Variants in SMARCA4 observed in about 807,000 individuals in gnomAD.
SMARCA4 encodes the protein SWI/SNF-related matrix-associated actin-dependent regulator of chromatin subfamily A member 4.
SMARCA4 carries 31 observed loss-of-function variants against 193.9 expected under a neutral mutation model. That is an observed-to-expected ratio of 0.16 (90% CI 0.12 to 0.22). The LOEUF is 0.22. SMARCA4 is among the 10% of genes least tolerant of loss of function. SMARCA4 has a pLI of 1.00. For synonymous variants in SMARCA4, 942 were observed against 933.1 expected, an observed-to-expected ratio of 1.01 and a Z score of -0.17; for missense variants, 1,148 against 2,296.0, an observed-to-expected ratio of 0.50 and a Z score of 10.22.
chr19:11,050,848 G>C (rs928863147), intron 30 of SMARCA4, among the ~76,000 whole-genome samples: 4 of 152,228 alleles, frequency 2.6e-5, no homozygotes, highest in African/African-American at 9.6e-5. Flanking sequence ...ATTCCTTGGG[G>C]ACAGGGGGGC....
At position 10,986,434 on chromosome 19, in the gene SMARCA4, C is replaced by G. The variant is rs2086038461; in HGVS notation, c.601C>G (p.Gln201Glu). ...ARGQPLPDHL[Q>E]MAVQGKRPMP... ...GGGGCAGCCCCTCCCCGACCACCTG[C>G]AGATGGCGGTGCAGGGCAAGCGGCC... is the stretch of plus-strand genomic sequence containing the variant. The change falls in exon 4 of 35, where the codon CAG becomes GAG. Residue 201 changes from glutamine to glutamate, a missense_variant. Gln to Glu is a conservative substitution (Grantham distance 29, BLOSUM62 2). This residue lies in a region of SMARCA4 where 257 missense variants were observed against 276.5 expected (regional missense o/e 0.93). Transcript: ENST00000344626. This position sits in a 1 kb window ranked among gnomAD's most constrained non-coding sequence, Gnocchi z 6.7. 6.4e-7 allele frequency: 1 copy of G among 1,571,090 alleles called. No individual in the cohort carries two copies.
At position 10,961,054 on chromosome 19, in the gene SMARCA4, C is replaced by A; in HGVS notation, c.-152C>A. 6.7e-6 allele frequency: 1 copy of A among 148,898 alleles called. No individual in the cohort carries two copies. Among genetic ancestry groups the A allele is most frequent in the South Asian group, 1.9e-4 (1 of 5,246 alleles). 9.2% of individuals were successfully genotyped at this position (148,898 alleles called of 1,614,324 possible). A position where few individuals can be genotyped will look rare whatever the true frequency, so the allele number is the denominator to read the frequency against. On this transcript the variant is annotated 5_prime_UTR_variant, in exon 1 of 35. Coordinates refer to ENST00000344626, the MANE Select transcript of SMARCA4 (RefSeq NM_003072.5). ...CGGGCGCGCGCGCGAGGCTTCCCCT[C>A]GTTTGGCGGCGGCGGCGGCTTCTTT...
rs2076656107 is a variant in SMARCA4, at chr19:11,058,223, CG to C, written c.4425-27del. 2.0e-6 allele frequency: 3 copies of C among 1,504,836 alleles called. No homozygotes were observed. The highest frequency in any genetic ancestry group is 2.8e-5 in the African/African-American group (2 of 72,390). The allele number at this position is 1,504,836 out of a possible 1,614,324, so 93.2% of individuals were successfully genotyped here. On this transcript the variant is annotated intron_variant, in intron 30 of 34. Coordinates refer to ENST00000344626, the MANE Select transcript of SMARCA4 (RefSeq NM_003072.5). The surrounding 1 kb of genome is among the most constrained non-coding windows in gnomAD (Gnocchi z 5.8). ...GTGGGGGCTCCCGGGTGGGCGGACT[CG>C]GGGGTGATAGCCGCCGGTTCTGCCT...
chr19:10,965,984 T>G (rs1040269840), intron 1 of SMARCA4, among the ~76,000 whole-genome samples: 5 of 140,838 alleles, frequency 3.6e-5, no homozygotes, highest in Non-Finnish European at 7.7e-5. Flanking sequence ...TTTTTTTTTT[T>G]TTTTTTTTTT....
At chr19:10,964,660 C>A (rs1188876950) in intron 1 of SMARCA4, among the ~76,000 whole-genome samples, 3 of 151,552 alleles carry the variant, frequency 2.0e-5, no homozygotes, top group African/African-American at 7.3e-5. Context: ...TTCTGTCGCC[C>A]AGGCTGGAGT....
At position 10,987,691 on chromosome 19, in the gene SMARCA4, C is replaced by A. The variant is rs1060504429; in HGVS notation, c.885C>A (p.Pro295=). ...GACCCATGGCGAATGCTGCTGCCCCCACGAGCACCCCTCAGAAGCTGATTC... is the reference window on the plus strand; with the variant it reads ...GACCCATGGCGAATGCTGCTGCCCCAACGAGCACCCCTCAGAAGCTGATTC... ...PEGPMANAAA[P]TSTPQKLIPP... Residue 295 remains proline (P), a synonymous_variant, in exon 6 of 35, where the codon CCC becomes CCA. Coordinates refer to ENST00000344626, the MANE Select transcript of SMARCA4 (RefSeq NM_003072.5). The surrounding 1 kb of genome is among the most constrained non-coding windows in gnomAD (Gnocchi z 5.3). 1.2e-6 allele frequency: 2 copies of A among 1,612,842 alleles called. No homozygotes were observed. The highest frequency in any genetic ancestry group is 1.7e-6 in the Non-Finnish European group (2 of 1,179,660).
rs113485781 is a variant in SMARCA4 at position 10,966,352 on chromosome 19, A to G, written c.-32+5178A>G. Among the ~76,000 whole-genome samples the G allele has an allele frequency of 1.8e-3, 276 of 152,214 alleles. 1 individual carries two copies. Among genetic ancestry groups the G allele is most frequent in the Middle Eastern group, 6.8e-3 (2 of 294 alleles). On this transcript the variant is annotated intron_variant, in intron 1 of 34. Coordinates refer to ENST00000344626, the MANE Select transcript of SMARCA4 (RefSeq NM_003072.5). The stretch of plus-strand genomic sequence containing the variant: ...ATGCCTGTAATTCCCACACTTTGGG[A>G]GGCCCAGCAGGGCAAATCACTTGAT...
chr19:10,988,136 T>C (rs2086231021), intron 6 of SMARCA4, among the ~76,000 whole-genome samples: 1 of 152,062 alleles, frequency 6.6e-6, no homozygotes, highest in Non-Finnish European at 1.5e-5. Context: ...TTTTTTTTTT[T>C]TGAGACGGAG....
At chr19:10,978,860 A>G (rs1297204494) in intron 1 of SMARCA4, among the ~76,000 whole-genome samples, 2 of 152,064 alleles carry the variant, frequency 1.3e-5, no homozygotes, top group African/African-American at 4.8e-5. Flanking sequence ...GAGGCACGAT[A>G]ATCGCTTGAA....
At chr19:11,020,221 C>T (rs1455302484) in intron 18 of SMARCA4, among the ~76,000 whole-genome samples, 4 of 152,154 alleles carry the variant, frequency 2.6e-5, no homozygotes, top group Non-Finnish European at 5.9e-5. Context: ...CTGGAAGCCT[C>T]TTCTGGGACG....
rs1191440784 is a variant in SMARCA4 at position 10,985,379 on chromosome 19, C to T, written c.329C>T (p.Pro110Leu). 2 of 1,613,974 alleles carry T rather than the reference C, an allele frequency of 1.2e-6. No homozygotes were observed. The highest frequency in any genetic ancestry group is 8.5e-7 in the Non-Finnish European group (1 of 1,179,998). ...GGCCATGCTGGGATGGGGCCCCCGCCCAGCCCCATGGACCAGCACTCCCAA... is the reference window on the plus strand; with the variant it reads ...GGCCATGCTGGGATGGGGCCCCCGCTCAGCCCCATGGACCAGCACTCCCAA... ...SGGHAGMGPPPSPMDQHSQGY... is the reference protein window; with the variant it reads ...SGGHAGMGPPLSPMDQHSQGY... The change falls in exon 3 of 35, where the codon CCC (proline) becomes CTC (leucine). Residue 110 changes from proline to leucine, a missense_variant. Pro to Leu is a moderately conservative substitution (Grantham distance 98). Coordinates refer to ENST00000344626, the MANE Select transcript of SMARCA4 (RefSeq NM_003072.5). The surrounding 1 kb of genome is among the most constrained non-coding windows in gnomAD (Gnocchi z 4.5).
Position 10,985,535 on chromosome 19 carries a change from G to A in SMARCA4, c.355+130G>A, listed in dbSNP as rs930098220. 101 of 1,103,626 alleles carry A rather than the reference G, an allele frequency of 9.2e-5. 1 individual carries two copies. The Admixed American group carries it at 1.6e-3, about 17-fold the overall frequency. 68.4% of individuals were successfully genotyped at this position (1,103,626 alleles called of 1,614,324 possible). A position where few individuals can be genotyped will look rare whatever the true frequency, so the allele number is the denominator to read the frequency against. On this transcript the variant is annotated intron_variant, in intron 3 of 34. Transcript: ENST00000344626. The surrounding 1 kb of genome is among the most constrained non-coding windows in gnomAD (Gnocchi z 4.5). Reference sequence around the variant, plus strand: ...GATGATGTAGCCGGGTGGGTGGCCCGCCACAGAGAGCTGTCTGGCATGGCG... The same window carrying A: ...GATGATGTAGCCGGGTGGGTGGCCCACCACAGAGAGCTGTCTGGCATGGCG...
At chr19:11,017,371 T>G (rs1298100469) in intron 16 of SMARCA4, among the ~76,000 whole-genome samples, 1 of 152,212 alleles carries the variant, frequency 6.6e-6, no homozygotes, top group Non-Finnish European at 1.5e-5. Flanking sequence ...TTCCCCTACT[T>G]CAGTGAGGTT....
At chr19:10,992,902 T>C (rs1199839541) in intron 8 of SMARCA4, among the ~76,000 whole-genome samples, 4 of 151,848 alleles carry the variant, frequency 2.6e-5, no homozygotes, top group Non-Finnish European at 5.9e-5. Context: ...CCAACATTTT[T>C]TTATATATAT....
At chr19:10,961,333 C>T (rs1259189404) in intron 1 of SMARCA4, 159 bp downstream of exon 1, 2 of 148,630 alleles carry the variant, frequency 1.3e-5, no homozygotes, top group African/African-American at 4.9e-5. Flanking sequence ...GGCAGCCGCG[C>T]GCGTGGGGAA....
rs2145722449 is a variant in SMARCA4, at chr19:10,984,229, C to A, written c.78C>A (p.Ala26=). Residue 26 remains alanine (A), a synonymous_variant, in exon 2 of 35, where the codon GCC becomes GCA. Transcript: ENST00000344626. This position sits in a 1 kb window ranked among gnomAD's most constrained non-coding sequence, Gnocchi z 4.3. ...CGGGCCCTGGCCCTTCCCCTGGAGCCATGCTGGGCCCTAGCCCGGGTCCCT... is the reference window on the plus strand; with the variant it reads ...CGGGCCCTGGCCCTTCCCCTGGAGCAATGCTGGGCCCTAGCCCGGGTCCCT... ...PSPGPGPSPG[A]MLGPSPGPSP... 1 of 1,612,646 alleles carries A rather than the reference C, an allele frequency of 6.2e-7. No individual in the cohort carries two copies. The highest frequency in any genetic ancestry group is 8.5e-7 in the Non-Finnish European group (1 of 1,179,330).
chr19:11,052,794 C>T (rs533684679), intron 30 of SMARCA4, among the ~76,000 whole-genome samples: 9 of 152,236 alleles, frequency 5.9e-5, no homozygotes, highest in Non-Finnish European at 1.2e-4. Flanking sequence ...CCGACTGCAC[C>T]TGCCTGCGGC....
intron 16 of SMARCA4, among the ~76,000 whole-genome samples, chr19:11,014,843 C>G (rs755132418): frequency 6.6e-6 from 1 of 151,654 alleles, no homozygotes; most frequent in Non-Finnish European, 1.5e-5. Flanking sequence ...TGAGGAGTCT[C>G]GCACTGTTGA....
At chr19:11,055,631 C>T (rs1038623887) in intron 30 of SMARCA4, among the ~76,000 whole-genome samples, 6 of 152,304 alleles carry the variant, frequency 3.9e-5, no homozygotes, top group Non-Finnish European at 7.4e-5. Context: ...CATAGGGAGC[C>T]GCCCTCCAGG....
Sources: gnomAD v4.1 joint callset for allele counts (sites outside exome capture counted in the v4.1 genomes callset) on GRCh38, gnomAD v4.1.1 for gene constraint, gnomAD v4.1.1 regional missense constraint, Gnocchi (gnomAD v3.1) non-coding constraint, MANE v1.5 for transcripts, NCBI Gene and HGNC (gene_info 2026-07-23, HGNC 2026-07-21) for gene names.